CNTNAP2: variants seen among roughly 807,000 people sequenced by gnomAD.
CNTNAP2 encodes contactin-associated protein-like 2.
A neutral mutation model predicts 155.2 loss-of-function variants in CNTNAP2; 98 were observed. The ratio of observed to expected loss-of-function variants is 0.63; its 90% confidence interval spans 0.54 to 0.75. The LOEUF (loss-of-function observed/expected upper bound fraction) is 0.75. Ranked by LOEUF, CNTNAP2 falls within the 30% of genes least tolerant of loss-of-function variation. The pLI is 0.00. For synonymous variants in CNTNAP2, 651 were observed against 631.2 expected, an observed-to-expected ratio of 1.03 and a Z score of -0.47; for missense variants, 1,727 against 1,688.1, an observed-to-expected ratio of 1.02 and a Z score of -0.40.
chr7:146,753,017 C>T (rs932773351), intron 1 of CNTNAP2, among the ~76,000 whole-genome samples: 77 of 152,116 alleles, frequency 5.1e-4, no homozygotes, highest in African/African-American at 1.8e-3. Context: ...AGGCAGAGTT[C>T]ATAGAGCCTG....
intron 8 of CNTNAP2, among the ~76,000 whole-genome samples, chr7:147,137,892 GATA>G (rs1168139917): frequency 7.8e-6 from 1 of 127,542 alleles, no homozygotes; most frequent in Admixed American, 8.2e-5. Flanking sequence ...TAGATAGATA[GATA>G]GATAGATAGA....
At chr7:148,321,821 G>C (rs1246573421) in intron 21 of CNTNAP2, among the ~76,000 whole-genome samples, 1 of 151,812 alleles carries the variant, frequency 6.6e-6, no homozygotes, top group East Asian at 1.9e-4. Context: ...GAAAGAGACA[G>C]AGGAAAGAAA....
intron 9 of CNTNAP2, among the ~76,000 whole-genome samples, chr7:147,345,020 T>C (rs968162571): frequency 1.3e-5 from 2 of 152,168 alleles, no homozygotes; most frequent in Admixed American, 6.5e-5. Context: ...TATGTCTTTT[T>C]CTAGTTTGAC....
intron 15 of CNTNAP2, among the ~76,000 whole-genome samples, chr7:148,065,800 A>T (rs576782982): frequency 6.6e-6 from 1 of 152,194 alleles, no homozygotes; most frequent in Non-Finnish European, 1.5e-5. Context: ...GTATTGAGAC[A>T]TGAGGTACTC....
At chr7:148,150,703 C>A (rs1308078339) in intron 17 of CNTNAP2, among the ~76,000 whole-genome samples, 2 of 152,132 alleles carry the variant, frequency 1.3e-5, no homozygotes, top group African/African-American at 4.8e-5. Flanking sequence ...CCAACTATTA[C>A]CATCTTCCCT....
At chr7:148,168,789 G>A (rs909103002) in intron 17 of CNTNAP2, among the ~76,000 whole-genome samples, 1 of 152,154 alleles carries the variant, frequency 6.6e-6, no homozygotes, top group South Asian at 2.1e-4. Flanking sequence ...CATTGCTGAA[G>A]ATCCATGAAA....
At chr7:146,908,919 G>A (rs1351197081) in intron 3 of CNTNAP2, among the ~76,000 whole-genome samples, 1 of 147,896 alleles carries the variant, frequency 6.8e-6, no homozygotes, top group African/African-American at 2.5e-5. Flanking sequence ...GACTAATAAA[G>A]AAAAAAAGAG....
At chr7:147,038,139 G>A (rs1244630872) in intron 3 of CNTNAP2, among the ~76,000 whole-genome samples, 1 of 152,154 alleles carries the variant, frequency 6.6e-6, no homozygotes, top group Non-Finnish European at 1.5e-5. Context: ...CTGGGTGATA[G>A]AGCCAGACCC....
rs574726757 is a variant in CNTNAP2 at position 146,759,998 on chromosome 7, T to C, written c.98-14273T>C. Among the ~76,000 whole-genome samples the C allele has an allele frequency of 9.2e-5, 14 of 152,284 alleles. No individual in the cohort carries two copies. The East Asian group carries it at 2.7e-3, about 29-fold the overall frequency. Reference sequence around the variant, plus strand: ...GTATCTTAAACATCTTAGGGAGCTTTTACAAGTGCTGTAGCCCTTGCTTTC... The same window carrying C: ...GTATCTTAAACATCTTAGGGAGCTTCTACAAGTGCTGTAGCCCTTGCTTTC... On this transcript the variant is annotated intron_variant, in intron 1 of 23. Coordinates refer to ENST00000361727, the MANE Select transcript of CNTNAP2 (RefSeq NM_014141.6).
chr7:147,258,913 G>C (rs1014554718), intron 8 of CNTNAP2, among the ~76,000 whole-genome samples: 1 of 152,158 alleles, frequency 6.6e-6, no homozygotes, highest in African/African-American at 2.4e-5. Flanking sequence ...TTTTTTCCTG[G>C]ATGAGTCATA....
intron 9 of CNTNAP2, among the ~76,000 whole-genome samples, chr7:147,345,561 A>C (rs974059909): frequency 3.3e-5 from 5 of 152,214 alleles, no homozygotes; most frequent in Admixed American, 2.6e-4. Context: ...TGTTACATAC[A>C]GAAGTTTTCT....
intron 18 of CNTNAP2, among the ~76,000 whole-genome samples, chr7:148,204,613 G>C (rs1562993841): frequency 6.6e-6 from 1 of 152,192 alleles, no homozygotes; most frequent in East Asian, 1.9e-4. Flanking sequence ...TTTACTGGTA[G>C]AGAAAAATAA....
At chr7:146,943,129 A>G (rs1797089728) in intron 3 of CNTNAP2, among the ~76,000 whole-genome samples, 1 of 152,222 alleles carries the variant, frequency 6.6e-6, no homozygotes, top group Non-Finnish European at 1.5e-5. Context: ...CCTACTGTTG[A>G]CCATAAGCCT....
In CNTNAP2 at chr7:146,320,027, A is replaced by G. The variant is rs1285221476; in HGVS notation, c.97+203054A>G. Among the ~76,000 whole-genome samples the G allele has an allele frequency of 7.3e-5, 11 of 151,512 alleles. No individual in the cohort carries two copies. The East Asian group carries it at 2.1e-3, about 29-fold the overall frequency. On this transcript the variant is annotated intron_variant, in intron 1 of 23. Transcript: ENST00000361727. The stretch of plus-strand genomic sequence containing the variant: ...CCACCCCAGTTTTAGTACAAAAATA[A>G]TTAAAACTCCATTAATGGTTTTATT...
At chr7:147,693,557 A>T (rs376572161) in intron 13 of CNTNAP2, among the ~76,000 whole-genome samples, 2 of 151,754 alleles carry the variant, frequency 1.3e-5, no homozygotes, top group African/African-American at 4.8e-5. Context: ...ATATTTTGTT[A>T]GTTTATTTCT....
chr7:146,464,844 G>T (rs1467241854), intron 1 of CNTNAP2, among the ~76,000 whole-genome samples: 4 of 152,112 alleles, frequency 2.6e-5, no homozygotes, highest in Non-Finnish European at 5.9e-5. Flanking sequence ...ATGAATTTGA[G>T]AGTTGTTTCA....
intron 3 of CNTNAP2, among the ~76,000 whole-genome samples, chr7:146,911,386 G>A (rs1796273117): frequency 6.6e-6 from 1 of 151,944 alleles, no homozygotes; most frequent in East Asian, 1.9e-4. Flanking sequence ...ATTCACAACA[G>A]CAAAGACTTG....
chr7:147,228,264 G>C (rs1247204848), intron 8 of CNTNAP2, among the ~76,000 whole-genome samples: 1 of 152,112 alleles, frequency 6.6e-6, no homozygotes, highest in African/African-American at 2.4e-5. Flanking sequence ...CAGAAAAATT[G>C]GGTAATAGGT....
intron 13 of CNTNAP2, among the ~76,000 whole-genome samples, chr7:147,861,999 C>CAAAAAAAAAAAAAAAAAAAAT (rs1799142267): frequency 1.1e-5 from 1 of 94,976 alleles, no homozygotes; most frequent in Non-Finnish European, 2.1e-5. Context: ...CTCCATCTCA[C>CAAAAAAAAAAAAAAAAAAAAT]AAAAAAAAAA....
Sources: allele counts gnomAD v4.1 joint callset (sites outside exome capture counted in the v4.1 genomes callset), GRCh38; gene constraint gnomAD v4.1.1; transcripts MANE v1.5; gene names NCBI Gene and HGNC (gene_info 2026-07-23, HGNC 2026-07-21).